Variants in GRK7 observed in about 807,000 individuals in gnomAD.
GRK7 encodes the protein rhodopsin kinase GRK7.
A neutral mutation model predicts 34.1 loss-of-function variants in GRK7; 24 were observed. That is an observed-to-expected ratio of 0.70 (90% CI 0.51 to 0.99). The LOEUF (loss-of-function observed/expected upper bound fraction) is 0.99. GRK7 is among the 50% of genes least tolerant of loss of function. GRK7 has a pLI of 0.00. For missense variants in GRK7, 644 were observed against 707.3 expected (o/e 0.91, Z 1.02); for synonymous variants, 256 against 279.4 (o/e 0.92, Z 0.84).
At position 141,778,900 on chromosome 3, in the gene GRK7, A is replaced by G; in HGVS notation, c.612+4A>G. On this transcript the variant is annotated splice_donor_region_variant and intron_variant, in intron 3 of 5. Coordinates refer to ENST00000682958, the MANE Select transcript of GRK7 (RefSeq NM_139209.3). The surrounding 1 kb of genome is among the most constrained non-coding windows in gnomAD (Gnocchi z 4.1). ...GGGGAAAGGTGGTTTTGGGGAGGTAAGTGTCTCCCAGTAGCCAGGCTAGAA... is the reference window on the plus strand; with the variant it reads ...GGGGAAAGGTGGTTTTGGGGAGGTAGGTGTCTCCCAGTAGCCAGGCTAGAA... 1 of 1,600,796 alleles carries G rather than the reference A, an allele frequency of 6.2e-7. No individual in the cohort carries two copies. Among genetic ancestry groups the G allele is most frequent in the Non-Finnish European group, 8.5e-7 (1 of 1,174,656 alleles).
intron 4 of GRK7, among the ~76,000 whole-genome samples, chr3:141,795,958 A>G (rs1238614261): frequency 6.6e-6 from 1 of 152,198 alleles, no homozygotes; most frequent in African/African-American, 2.4e-5. Context: ...GGGGGCTGTC[A>G]TGTGACATGA....
At chr3:141,787,154 G>C (rs2084700379) in intron 4 of GRK7, among the ~76,000 whole-genome samples, 1 of 152,200 alleles carries the variant, frequency 6.6e-6, no homozygotes, top group South Asian at 2.1e-4. Flanking sequence ...GTGAGTCCAT[G>C]ACCAAAGAGC....
Position 141,778,870 on chromosome 3 carries a change from G to A in GRK7, c.586G>A (p.Val196Met), listed in dbSNP as rs56019094. The A allele has an allele frequency of 7.2e-4, 1,160 of 1,611,852 alleles. 2 individuals carry two copies. The highest frequency in any genetic ancestry group is 9.0e-4 in the Non-Finnish European group (1,063 of 1,178,896). The change falls in exon 3 of 6, where the codon GTG (valine) becomes ATG (methionine). Residue 196 changes from valine (V) to methionine (M), a missense_variant. Val to Met is a conservative substitution (Grantham distance 21). Coordinates refer to ENST00000682958, the MANE Select transcript of GRK7 (RefSeq NM_139209.3). The surrounding 1 kb of genome is among the most constrained non-coding windows in gnomAD (Gnocchi z 4.1). ...AGACAAGTACTTCACTGAGTTCAGA[G>A]TGCTGGGGAAAGGTGGTTTTGGGGA... ...VSDKYFTEFR[V>M]LGKGGFGEVC...
chr3:141,757,147 C>CTTTTTTTTTT, the GRK7 span, among the ~76,000 whole-genome samples: 2 of 89,454 alleles, frequency 2.2e-5, no homozygotes, highest in Non-Finnish European at 4.4e-5. Flanking sequence ...TTTTTTTTTT[C>CTTTTTTTTTT]TTTTTTTTTT....
At chr3:141,814,712 C>T (rs1054746294) in intron 5 of GRK7, among the ~76,000 whole-genome samples, 1 of 152,010 alleles carries the variant, frequency 6.6e-6, no homozygotes, top group African/African-American at 2.4e-5. Flanking sequence ...TTAGGTAGAA[C>T]AATTTATTTC....
intron 5 of GRK7, among the ~76,000 whole-genome samples, 197 bp downstream of exon 5, chr3:141,808,116 AT>A (rs1711055482): frequency 1.3e-5 from 2 of 152,218 alleles, no homozygotes; most frequent in Non-Finnish European, 2.9e-5. Flanking sequence ...TCCAAGATGT[AT>A]TTTAAGGTGG....
At chr3:141,757,300 C>T in the GRK7 span, among the ~76,000 whole-genome samples, 1 of 151,450 alleles carries the variant, frequency 6.6e-6, no homozygotes, top group Admixed American at 6.6e-5. Flanking sequence ...CTATCCCTCC[C>T]CGCTCCCCCC....
At chr3:141,803,739 C>A (rs747538937) in intron 4 of GRK7, among the ~76,000 whole-genome samples, 1 of 152,198 alleles carries the variant, frequency 6.6e-6, no homozygotes, top group Non-Finnish European at 1.5e-5. Context: ...TCCCCTCCCC[C>A]AAGACGGAGT....
In GRK7 at chr3:141,778,802, A is replaced by C. The variant is rs745778241; in HGVS notation, c.518A>C (p.Asp173Ala). 6.2e-7 allele frequency: 1 copy of C among 1,609,938 alleles called. No homozygotes were observed. The highest frequency in any genetic ancestry group is 1.7e-5 in the Admixed American group (1 of 59,200). Residue 173 changes from aspartate (D) to alanine (A), a missense_variant, in exon 3 of 6, where the codon GAC becomes GCC. Coordinates refer to ENST00000682958, the MANE Select transcript of GRK7 (RefSeq NM_139209.3). This position sits in a 1 kb window ranked among gnomAD's most constrained non-coding sequence, Gnocchi z 4.1. ...GATTTCGTGACCAGCGCCTTCTACG[A>C]CAAGTTTCTGCAGTGGAAACTCTTC... is the stretch of plus-strand genomic sequence containing the variant. ...FKDFVTSAFY[D>A]KFLQWKLFEM...
At chr3:141,772,802 T>A (rs1313929052) in intron 1 of GRK7, among the ~76,000 whole-genome samples, 1 of 152,220 alleles carries the variant, frequency 6.6e-6, no homozygotes, top group Non-Finnish European at 1.5e-5. Context: ...ATAAAAGTTA[T>A]GATTTTTCAT....
rs1329739073 is a variant in GRK7 at position 141,763,861 on chromosome 3, C to G, written c.-2092C>G. 6.6e-6 allele frequency among the ~76,000 whole-genome samples: 1 copy of G among 152,054 alleles called. No homozygotes were observed. Among genetic ancestry groups the G allele is most frequent in the Non-Finnish European group, 1.5e-5 (1 of 68,016 alleles). ...TTACACCAACAAAATTTCCTCCGTC[C>G]TCTTCCCTTCCCTACAAATTCCCTC... On this transcript the variant is annotated 5_prime_UTR_variant, in exon 1 of 6. Transcript: ENST00000682958.
At chr3:141,787,750 G>A (rs772861016) in intron 4 of GRK7, among the ~76,000 whole-genome samples, 2 of 151,858 alleles carry the variant, frequency 1.3e-5, no homozygotes, top group Non-Finnish European at 2.9e-5. Flanking sequence ...ACTCACGCCT[G>A]TAATCCCAAC....
intron 5 of GRK7, among the ~76,000 whole-genome samples, chr3:141,812,126 G>T (rs1301931837): frequency 6.6e-6 from 1 of 152,208 alleles, no homozygotes; most frequent in African/African-American, 2.4e-5. Context: ...CTCATGTATA[G>T]GCGGGTGGTA....
upstream of GRK7, among the ~76,000 whole-genome samples, chr3:141,762,362 G>C (rs2084558997): frequency 6.8e-6 from 1 of 146,876 alleles, no homozygotes; most frequent in Non-Finnish European, 1.5e-5. Flanking sequence ...AGGTCTGTTG[G>C]AATACCCTGC....
chr3:141,785,807 T>C (rs2084693326), intron 4 of GRK7, among the ~76,000 whole-genome samples: 1 of 151,340 alleles, frequency 6.6e-6, no homozygotes, highest in Non-Finnish European at 1.5e-5. Context: ...GGTGTGGTGA[T>C]GCATGCCTGT....
In GRK7 at chr3:141,798,256, C is replaced by T. The variant is rs118184653; in HGVS notation, c.1051-9389C>T. Among the ~76,000 whole-genome samples, 312 of 152,292 alleles carry T rather than the reference C, an allele frequency of 2.0e-3. 1 individual carries two copies. In the East Asian group the frequency reaches 0.023, roughly 11 times the overall value. On this transcript the variant is annotated intron_variant, in intron 4 of 5. Transcript: ENST00000682958. ...TGAGATTACTGTACTAGAAGGACTT[C>T]CCGCTGCCCCTGAGGGGATGGGGGA...
chr3:141,778,567 C>G lies in GRK7; in HGVS notation c.283C>G (p.Leu95Val). 1.2e-6 allele frequency: 2 copies of G among 1,613,234 alleles called. No individual in the cohort carries two copies. The change falls in exon 3 of 6, where the codon CTG becomes GTG. Residue 95 changes from leucine (L) to valine (V), a missense_variant. Leu to Val is a conservative substitution (Grantham distance 32). Coordinates refer to ENST00000682958, the MANE Select transcript of GRK7 (RefSeq NM_139209.3). The surrounding 1 kb of genome is among the most constrained non-coding windows in gnomAD (Gnocchi z 4.1). ...CCTAGAGGACGTGCAGAACTGGGAGCTGGCCGAGGAGGGACCCACCAAAGA... is the reference window on the plus strand; with the variant it reads ...CCTAGAGGACGTGCAGAACTGGGAGGTGGCCGAGGAGGGACCCACCAAAGA... ...TFLEDVQNWE[L>V]AEEGPTKDSA...
rs890718052 is a variant in GRK7 at position 141,778,408 on chromosome 3, C to A, written c.124C>A (p.Leu42Met). The A allele has an allele frequency of 6.2e-7, 1 of 1,612,548 alleles. No homozygotes were observed. The highest frequency in any genetic ancestry group is 1.1e-5 in the South Asian group (1 of 91,050). Residue 42 changes from leucine to methionine, a missense_variant, in exon 3 of 6, where the codon CTG (leucine) becomes ATG (methionine). Coordinates refer to ENST00000682958, the MANE Select transcript of GRK7 (RefSeq NM_139209.3). This position sits in a 1 kb window ranked among gnomAD's most constrained non-coding sequence, Gnocchi z 4.1. Reference protein sequence around the residue: ...RRRRSLALPGLQGCAELRQKL... With the variant: ...RRRRSLALPGMQGCAELRQKL... ...GCGGCGTAGCCTGGCCCTGCCCGGGCTGCAGGGCTGCGCGGAGCTCCGCCA... is the reference window on the plus strand; with the variant it reads ...GCGGCGTAGCCTGGCCCTGCCCGGGATGCAGGGCTGCGCGGAGCTCCGCCA...
chr3:141,797,662 G>A (rs574742817), intron 4 of GRK7, among the ~76,000 whole-genome samples: 1 of 152,206 alleles, frequency 6.6e-6, no homozygotes, highest in South Asian at 2.1e-4. Context: ...GCATCCGCGG[G>A]CGATTTCTGG....
Sources: allele counts gnomAD v4.1 joint callset (sites outside exome capture counted in the v4.1 genomes callset), GRCh38; gene constraint gnomAD v4.1.1; non-coding constraint Gnocchi (gnomAD v3.1); transcripts MANE v1.5; gene names NCBI Gene and HGNC (gene_info 2026-07-23, HGNC 2026-07-21).